Variants in ZC3H12B observed in about 807,000 individuals in gnomAD.
ZC3H12B encodes the protein probable ribonuclease ZC3H12B.
In ZC3H12B, 7 loss-of-function variants were observed where a neutral mutation model predicts 43.9. The ratio of observed to expected loss-of-function variants is 0.16; its 90% CI spans 0.09 to 0.30. The LOEUF is 0.30. Among genes scored for constraint, ZC3H12B ranks in the 10% least tolerant of loss-of-function variants. ZC3H12B has a pLI of 1.00. For missense variants in ZC3H12B, 475 were observed against 670.2 expected, an observed-to-expected ratio of 0.71 and a Z score of 3.22; for synonymous variants, 222 against 241.7, an observed-to-expected ratio of 0.92 and a Z score of 0.76.
intron 1 of ZC3H12B, among the ~76,000 whole-genome samples, 173 bp downstream of exon 6, chrX:65,489,582 A>C (rs1343796205): frequency 3.6e-5 from 4 of 111,877 alleles, no homozygotes; most frequent in African/African-American, 1.3e-4. Flanking sequence ...CTTCCACTGA[A>C]GTTGCTGCCA....
the ZC3H12B span, among the ~76,000 whole-genome samples, chrX:65,203,565 C>T: frequency 4.6e-5 from 5 of 109,758 alleles, no homozygotes; most frequent in East Asian, 1.2e-3. Context: ...AAGTCTCTAC[C>T]TGCTTCCCTA....
chrX:65,295,052 C>T, the ZC3H12B span, among the ~76,000 whole-genome samples: 42 of 110,982 alleles, frequency 3.8e-4, no homozygotes, highest in Non-Finnish European at 7.2e-4. Context: ...GCAGAATATA[C>T]ATTCTATTCA....
intron 2 of ZC3H12B, among the ~76,000 whole-genome samples, chrX:65,395,137 A>G (rs1462847383): frequency 1.8e-5 from 2 of 111,979 alleles, no homozygotes; most frequent in African/African-American, 6.5e-5. Flanking sequence ...TAAATATAAA[A>G]TCATGTCATC....
At chrX:65,104,781 T>G in the ZC3H12B span, among the ~76,000 whole-genome samples, 1 of 111,474 alleles carries the variant, frequency 9.0e-6, no homozygotes, top group Non-Finnish European at 1.9e-5. Context: ...TGTAGAGAAA[T>G]AGGAATGGTT....
the ZC3H12B span, among the ~76,000 whole-genome samples, chrX:65,320,070 G>T: frequency 2.2e-4 from 25 of 111,225 alleles, no homozygotes; most frequent in South Asian, 9.1e-3. Flanking sequence ...GCAAGAGAAA[G>T]ACATAGCACA....
intron 2 of ZC3H12B, among the ~76,000 whole-genome samples, chrX:65,391,547 G>T (rs565155903): frequency 2.7e-5 from 3 of 111,320 alleles, no homozygotes; most frequent in East Asian, 2.8e-4. Flanking sequence ...AGCCAGTGGG[G>T]GATATGGGGC....
At chrX:65,111,800 T>G in the ZC3H12B span, among the ~76,000 whole-genome samples, 6 of 110,873 alleles carry the variant, frequency 5.4e-5, no homozygotes, top group Non-Finnish European at 1.1e-4. Flanking sequence ...ATGTGTGTGT[T>G]CTGATTACTC....
chrX:65,129,345 G>A, the ZC3H12B span, among the ~76,000 whole-genome samples: 1 of 109,048 alleles, frequency 9.2e-6, no homozygotes, highest in Non-Finnish European at 1.9e-5. Flanking sequence ...GGCTTTGTGT[G>A]AGCAACAAGG....
the ZC3H12B span, among the ~76,000 whole-genome samples, chrX:65,220,339 A>T: frequency 8.9e-6 from 1 of 111,849 alleles, no homozygotes; most frequent in Admixed American, 9.5e-5. Context: ...AATGAATAGA[A>T]TAAGACCTCA....
chrX:65,174,978 C>G, the ZC3H12B span, among the ~76,000 whole-genome samples: 1 of 111,785 alleles, frequency 8.9e-6, no homozygotes, highest in Non-Finnish European at 1.9e-5. Context: ...GCTTTCTGCT[C>G]CAAAAACCAC....
chrX:65,433,138 A>G (rs1447203813), intron 3 of ZC3H12B, among the ~76,000 whole-genome samples: 1 of 112,835 alleles, frequency 8.9e-6, no homozygotes, highest in African/African-American at 3.2e-5. Context: ...TGCTGTAGCA[A>G]TAAAACCACA....
At chrX:65,397,398 C>T (rs1227321677) in intron 2 of ZC3H12B, among the ~76,000 whole-genome samples, 1 of 111,477 alleles carries the variant, frequency 9.0e-6, no homozygotes, top group Non-Finnish European at 1.9e-5. Flanking sequence ...CCTGGTGGTA[C>T]AGAATCCCTC....
intron 3 of ZC3H12B, among the ~76,000 whole-genome samples, chrX:65,406,154 T>C (rs2066818183): frequency 9.0e-6 from 1 of 110,792 alleles, no homozygotes; most frequent in Admixed American, 9.5e-5. Context: ...AAGTCAGCAT[T>C]ACCCTGAAAC....
At chrX:65,049,528 A>G in the ZC3H12B span, among the ~76,000 whole-genome samples, 1 of 111,391 alleles carries the variant, frequency 9.0e-6, no homozygotes, top group Non-Finnish European at 1.9e-5. Context: ...CGAAATTGGT[A>G]TATGATTGCC....
chrX:65,363,385 C>A (rs937743677), upstream of ZC3H12B, among the ~76,000 whole-genome samples: 3 of 111,824 alleles, frequency 2.7e-5, no homozygotes, highest in Admixed American at 9.5e-5. Flanking sequence ...AACGCTGACC[C>A]CTTCTACAAA....
chrX:65,220,537 G>A, the ZC3H12B span, among the ~76,000 whole-genome samples: 2 of 111,992 alleles, frequency 1.8e-5, no homozygotes, highest in South Asian at 3.7e-4. Flanking sequence ...CCAAAAGGGA[G>A]CAGGAGTAGC....
chrX:65,387,502 C>T (rs2066544866), intron 2 of ZC3H12B, among the ~76,000 whole-genome samples: 1 of 111,872 alleles, frequency 8.9e-6, no homozygotes, highest in Non-Finnish European at 1.9e-5. Context: ...GGTAGATCTT[C>T]CTCCATCCCT....
the ZC3H12B span, among the ~76,000 whole-genome samples, chrX:65,253,771 C>T: frequency 8.9e-6 from 1 of 112,000 alleles, no homozygotes; most frequent in Non-Finnish European, 1.9e-5. Flanking sequence ...CATGAAAGAG[C>T]TCCAGCAGAG....
chrX:65,449,656 G>A (rs144823126), intron 3 of ZC3H12B, among the ~76,000 whole-genome samples: 106 of 110,680 alleles, frequency 9.6e-4, no homozygotes, highest in African/African-American at 3.3e-3. Context: ...TCTACAACAC[G>A]GAATACTACT....
Sources: allele counts gnomAD v4.1 joint callset (sites outside exome capture counted in the v4.1 genomes callset), GRCh38; gene constraint gnomAD v4.1.1; transcripts MANE v1.5; gene names NCBI Gene and HGNC (gene_info 2026-07-23, HGNC 2026-07-21).